Variants in CXADR observed in about 807,000 individuals in gnomAD.
CXADR encodes CXADR cell adhesion molecule.
CXADR carries 20 observed loss-of-function variants against 40.3 expected under a neutral mutation model. That is an observed-to-expected ratio of 0.50 (90% CI 0.35 to 0.72). CXADR has a LOEUF of 0.72. CXADR is among the 30% of genes least tolerant of loss of function. CXADR has a pLI of 0.01. For missense variants in CXADR, 332 were observed against 449.1 expected, an observed-to-expected ratio of 0.74 and a Z score of 2.36; for synonymous variants, 150 against 161.3, an observed-to-expected ratio of 0.93 and a Z score of 0.53.
At chr21:17,551,606 G>A (rs2060969474) in intron 2 of CXADR, 143 bp from the exon 3 acceptor site, 1 of 662,464 alleles carries the variant, frequency 1.5e-6, no homozygotes, top group Non-Finnish European at 2.6e-6. Flanking sequence ...GTAGTTTTAT[G>A]TTTCCCCATA....
the CXADR span, among the ~76,000 whole-genome samples, chr21:17,632,775 A>C: frequency 6.6e-6 from 1 of 152,140 alleles, no homozygotes; most frequent in East Asian, 1.9e-4. Flanking sequence ...AGGCCGAGGC[A>C]GGAGAATGAC....
At chr21:17,576,783 A>G (rs1210393473) in intron 7 of CXADR, 3 of 152,220 alleles carry the variant, frequency 2.0e-5, no homozygotes, top group African/African-American at 2.4e-5. Context: ...TCACTGTTCA[A>G]TCAAAAGCAG....
chr21:17,545,072 G>GTTTTTTTTTTTTTTTTTTTTTTTTTTTT (rs869189508), intron 1 of CXADR, among the ~76,000 whole-genome samples: 1 of 55,424 alleles, frequency 1.8e-5, no homozygotes, highest in Non-Finnish European at 3.3e-5. Context: ...GCTCTAATGT[G>GTTTTTTTTTTTTTTTTTTTTTTTTTTTT]TTTTTTTTTT....
intron 1 of CXADR, among the ~76,000 whole-genome samples, chr21:17,546,542 TAAAC>T (rs2060899366): frequency 6.6e-6 from 1 of 152,086 alleles, no homozygotes; most frequent in African/African-American, 2.4e-5. Flanking sequence ...TGCACACTTT[TAAAC>T]AACCAGATCT....
chr21:17,607,894 G>A, the CXADR span, among the ~76,000 whole-genome samples: 1 of 152,160 alleles, frequency 6.6e-6, no homozygotes, highest in South Asian at 2.1e-4. Context: ...AGCATGCCAG[G>A]GCATGTTTTA....
At chr21:17,579,519 C>T (rs1342293703) in intron 7 of CXADR, among the ~76,000 whole-genome samples, 1 of 152,162 alleles carries the variant, frequency 6.6e-6, no homozygotes. Context: ...CTCCTGACCT[C>T]GTGATCTGCC....
chr21:17,605,155 G>GTGAA, the CXADR span: 1 of 814,382 alleles, frequency 1.2e-6, no homozygotes, highest in Non-Finnish European at 1.8e-6. Flanking sequence ...GATAATAAAT[G>GTGAA]TGAACTACAG....
At chr21:17,630,865 A>G in the CXADR span, among the ~76,000 whole-genome samples, 3 of 152,122 alleles carry the variant, frequency 2.0e-5, no homozygotes, top group Non-Finnish European at 4.4e-5. Flanking sequence ...GGAACTTAGG[A>G]GATACTTTCC....
downstream of CXADR, among the ~76,000 whole-genome samples, chr21:17,572,563 G>A (rs9974270): frequency 0.12 from 17,515 of 152,042 alleles, 1,039 homozygotes; most frequent in Middle Eastern, 0.15. Context: ...CCCTTCTTAC[G>A]GATTCCCGCT....
downstream of CXADR, among the ~76,000 whole-genome samples, chr21:17,572,503 C>T (rs1178287728): frequency 2.0e-5 from 3 of 152,146 alleles, no homozygotes; most frequent in Non-Finnish European, 2.9e-5. Context: ...GTAGCGAACA[C>T]GGAAAACAGA....
chr21:17,565,329 T>C (rs2061190513), intron 6 of CXADR, 99 bp from the exon 7 acceptor site: 2 of 1,271,786 alleles, frequency 1.6e-6, no homozygotes, highest in Middle Eastern at 2.0e-4. Context: ...ATATGTTTAG[T>C]ACCTAAATAC....
chr21:17,542,422 A>G (rs1229499540), intron 1 of CXADR, among the ~76,000 whole-genome samples: 1 of 152,202 alleles, frequency 6.6e-6, no homozygotes, highest in Non-Finnish European at 1.5e-5. Flanking sequence ...CTAAGGCCTT[A>G]GTAGGAGGTG....
At chr21:17,522,256 C>T (rs2060540624) in intron 1 of CXADR, among the ~76,000 whole-genome samples, 1 of 152,002 alleles carries the variant, frequency 6.6e-6, no homozygotes, top group South Asian at 2.1e-4. Context: ...TCAAGTGATT[C>T]TCCTGCCTCA....
At chr21:17,570,470 T>G (rs2061269073), downstream of CXADR, among the ~76,000 whole-genome samples, 1 of 152,220 alleles carries the variant, frequency 6.6e-6, no homozygotes, top group East Asian at 1.9e-4. Flanking sequence ...ACTGGCAGAT[T>G]TGGTGTCTGG....
intron 2 of CXADR, among the ~76,000 whole-genome samples, chr21:17,548,531 G>C (rs1344249954): frequency 6.6e-6 from 1 of 152,174 alleles, no homozygotes; most frequent in Non-Finnish European, 1.5e-5. Context: ...TAGAGTACAG[G>C]CTCCTGTCTG....
At chr21:17,601,324 T>C in the CXADR span, among the ~76,000 whole-genome samples, 5 of 152,214 alleles carry the variant, frequency 3.3e-5, no homozygotes, top group African/African-American at 4.8e-5. Context: ...GCTGGCTAGA[T>C]AGTGGTTGAT....
chr21:17,538,499 C>T (rs971141213), intron 1 of CXADR, among the ~76,000 whole-genome samples: 17 of 152,166 alleles, frequency 1.1e-4, no homozygotes, highest in East Asian at 7.7e-4. Context: ...ATGTCAGTGA[C>T]GTCTTTTTTA....
chr21:17,628,988 A>G, the CXADR span, among the ~76,000 whole-genome samples: 2 of 152,070 alleles, frequency 1.3e-5, no homozygotes, highest in Non-Finnish European at 2.9e-5. Context: ...ACCCTCACAG[A>G]CTCACCCTGA....
At chr21:17,629,740 G>C in the CXADR span, among the ~76,000 whole-genome samples, 1 of 152,150 alleles carries the variant, frequency 6.6e-6, no homozygotes, top group African/African-American at 2.4e-5. Flanking sequence ...TGGAGGCTGA[G>C]GCAGGAAGAT....
Sources: gnomAD v4.1 joint callset for allele counts (sites outside exome capture counted in the v4.1 genomes callset) on GRCh38, gnomAD v4.1.1 for gene constraint, MANE v1.5 for transcripts, NCBI Gene and HGNC (gene_info 2026-07-23, HGNC 2026-07-21) for gene names.